Variants in GALM observed in about 807,000 individuals in gnomAD.
GALM encodes the protein galactose mutarotase, also known as aldose 1-epimerase.
GALM carries 43 observed loss-of-function variants against 37.4 expected under a neutral mutation model. The ratio of observed to expected loss-of-function variants is 1.15; its 90% confidence interval spans 0.90 to 1.48. The LOEUF (loss-of-function observed/expected upper bound fraction) is 1.48, where lower values mean the gene tolerates loss of function less well. GALM is among the 40% of genes most tolerant of loss of function. GALM has a pLI of 0.00. For synonymous variants in GALM, 199 were observed against 170.6 expected (o/e 1.17, Z -1.30); for missense variants, 456 against 419.1 (o/e 1.09, Z -0.77).
At chr2:38,667,998 G>C (rs1048602089) in intron 1 of GALM, among the ~76,000 whole-genome samples, 1 of 152,150 alleles carries the variant, frequency 6.6e-6, no homozygotes, top group African/African-American at 2.4e-5. Context: ...GCCTTGCCGA[G>C]TTTCCCCACT....
At chr2:38,675,408 C>T (rs1468355571) in intron 1 of GALM, among the ~76,000 whole-genome samples, 1 of 151,816 alleles carries the variant, frequency 6.6e-6, no homozygotes, top group African/African-American at 2.4e-5. Context: ...TAATGAAAGC[C>T]ATTTTCTGTG....
intron 1 of GALM, among the ~76,000 whole-genome samples, chr2:38,673,269 T>G (rs1307441317): frequency 6.6e-6 from 1 of 152,182 alleles, no homozygotes; most frequent in East Asian, 1.9e-4. Context: ...TCTGCTGATC[T>G]GAAGTAGACA....
intron 1 of GALM, chr2:38,669,137 GC>G (rs1250470316): frequency 6.6e-6 from 1 of 152,144 alleles, no homozygotes; most frequent in Admixed American, 6.5e-5. Context: ...ATTGCCTTAT[GC>G]CCAATTTCTG....
chr2:38,688,883 C>T (rs557237835), intron 3 of GALM, among the ~76,000 whole-genome samples: 8 of 152,264 alleles, frequency 5.3e-5, no homozygotes, highest in East Asian at 1.9e-4. Flanking sequence ...ATGGCACGCG[C>T]GATCTTGGCT....
At chr2:38,719,373 G>A (rs911526472) in intron 4 of GALM, among the ~76,000 whole-genome samples, 1 of 151,002 alleles carries the variant, frequency 6.6e-6, no homozygotes. Flanking sequence ...GGGAGGCTGA[G>A]GCAAATAATT....
Position 38,729,639 on chromosome 2 carries a change from A to G in GALM, c.718A>G (p.Asn240Asp). 1 of 1,613,654 alleles carries G rather than the reference A, an allele frequency of 6.2e-7. No individual in the cohort carries two copies. The highest frequency in any genetic ancestry group is 8.5e-7 in the Non-Finnish European group (1 of 1,179,652). The change falls in exon 5 of 7, where the codon AAT becomes GAT. Residue 240 changes from asparagine to aspartate, a missense_variant. Transcript: ENST00000272252. ...LGKHLQDFHLNGFDHNFCLKG... is the reference protein window; with the variant it reads ...LGKHLQDFHLDGFDHNFCLKG... ...AAAACACCTGCAGGACTTCCATCTCAATGGTTTTGACCACAATTTCTGTCT... is the reference window on the plus strand; with the variant it reads ...AAAACACCTGCAGGACTTCCATCTCGATGGTTTTGACCACAATTTCTGTCT...
chr2:38,715,887 G>A (rs1666261285), intron 4 of GALM, among the ~76,000 whole-genome samples: 1 of 152,220 alleles, frequency 6.6e-6, no homozygotes, highest in Admixed American at 6.5e-5. Context: ...ATAATGCTAT[G>A]AGGTAGAGTC....
intron 4 of GALM, among the ~76,000 whole-genome samples, chr2:38,717,343 G>A (rs938224789): frequency 3.5e-5 from 5 of 144,404 alleles, no homozygotes; most frequent in African/African-American, 1.3e-4. Flanking sequence ...GTGTGTGTGT[G>A]TGTATAAAAG....
chr2:38,687,133 C>A (rs1415563941), intron 3 of GALM, among the ~76,000 whole-genome samples: 3 of 152,194 alleles, frequency 2.0e-5, no homozygotes, highest in African/African-American at 7.2e-5. Context: ...AAATTCTCTT[C>A]CCTCAGCTCC....
rs192965824 is a variant in GALM, at chr2:38,707,561, C to T, written c.634+17667C>T. ...GCTGTGGTGGTTGTTGTCCTGACCC[C>T]GTTTAAGAATGTAACAGAGTGGTCA... On this transcript the variant is annotated intron_variant, in intron 4 of 6. Coordinates refer to ENST00000272252, the MANE Select transcript of GALM (RefSeq NM_138801.3). Among the ~76,000 whole-genome samples the T allele has an allele frequency of 1.6e-4, 25 of 152,258 alleles. No homozygotes were observed. The East Asian group carries it at 4.6e-3, about 28-fold the overall frequency.
At chr2:38,683,691 C>G (rs770177517) in intron 3 of GALM, among the ~76,000 whole-genome samples, 2 of 152,042 alleles carry the variant, frequency 1.3e-5, no homozygotes, top group Non-Finnish European at 2.9e-5. Flanking sequence ...CTCAGCTTCC[C>G]TAGTAGCTGG....
At chr2:38,676,098 T>C in intron 2 of GALM, 32 bp downstream of exon 2, 1 of 1,610,484 alleles carries the variant, frequency 6.2e-7, no homozygotes, top group Non-Finnish European at 8.5e-7. Context: ...GAGTTCCCTT[T>C]AGGCTCACTT....
intron 4 of GALM, among the ~76,000 whole-genome samples, chr2:38,721,130 T>G (rs1666368409): frequency 6.6e-6 from 1 of 152,198 alleles, no homozygotes; most frequent in South Asian, 2.1e-4. Flanking sequence ...TTCCTCATAA[T>G]AGAATGTGGG....
At position 38,720,736 on chromosome 2, in the gene GALM, T is replaced by C. The variant is rs1286934771; in HGVS notation, c.635-8820T>C. On this transcript the variant is annotated intron_variant, in intron 4 of 6. Coordinates refer to ENST00000272252, the MANE Select transcript of GALM (RefSeq NM_138801.3). ...GCTTGTTCACTCACATGTCTGGCAGTTGATGTTGGCTGTTGGCTGGAGGCC... is the reference window on the plus strand; with the variant it reads ...GCTTGTTCACTCACATGTCTGGCAGCTGATGTTGGCTGTTGGCTGGAGGCC... 2.0e-5 allele frequency among the ~76,000 whole-genome samples: 3 copies of C among 152,196 alleles called. No homozygotes were observed. In the East Asian group the frequency reaches 5.8e-4, roughly 29 times the overall value.
intron 1 of GALM, among the ~76,000 whole-genome samples, chr2:38,674,066 G>A (rs1282672164): frequency 6.6e-6 from 1 of 152,140 alleles, no homozygotes; most frequent in East Asian, 1.9e-4. Flanking sequence ...GTTACCATTG[G>A]AAAGGAGGGG....
intron 1 of GALM, chr2:38,669,529 C>T (rs1022383922): frequency 6.6e-6 from 1 of 152,198 alleles, no homozygotes; most frequent in Non-Finnish European, 1.5e-5. Flanking sequence ...GCTCGTCCTG[C>T]TACAACAGCC....
intron 4 of GALM, among the ~76,000 whole-genome samples, chr2:38,692,042 G>C (rs543343705): frequency 6.6e-6 from 1 of 152,072 alleles, no homozygotes; most frequent in East Asian, 1.9e-4. Context: ...CCAATTCTAC[G>C]AGGCTCCTAG....
chr2:38,701,419 C>G (rs1023157899), intron 4 of GALM, among the ~76,000 whole-genome samples: 4 of 152,080 alleles, frequency 2.6e-5, no homozygotes, highest in African/African-American at 9.7e-5. Flanking sequence ...AGTGCTTTGA[C>G]TAGGTCTTTT....
Position 38,672,764 on chromosome 2 carries a change from T to C in GALM, c.191-3148T>C, listed in dbSNP as rs940313942. ...CTTAGAAAGTGGCTGGGACACACTT[T>C]GGGAGGCCAAGGCAGGTGGATCACC... On this transcript the variant is annotated intron_variant, in intron 1 of 6. Coordinates refer to ENST00000272252, the MANE Select transcript of GALM (RefSeq NM_138801.3). Among the ~76,000 whole-genome samples the C allele has an allele frequency of 1.5e-3, 226 of 151,996 alleles. 1 individual carries two copies. The highest frequency in any genetic ancestry group is 5.0e-3 in the African/African-American group (208 of 41,430).
Sources: gnomAD v4.1 joint callset for allele counts (sites outside exome capture counted in the v4.1 genomes callset) on GRCh38, gnomAD v4.1.1 for gene constraint, MANE v1.5 for transcripts, NCBI Gene and HGNC (gene_info 2026-07-23, HGNC 2026-07-21) for gene names.